Variants in KLF8 observed in about 807,000 individuals in gnomAD.
KLF8 encodes Krueppel-like factor 8.
KLF8 carries 10 observed loss-of-function variants against 18.2 expected under a neutral mutation model. That is an observed-to-expected ratio of 0.55 (90% confidence interval 0.34 to 0.93). The LOEUF is 0.93. KLF8 is among the 40% of genes least tolerant of loss of function. The pLI, the probability that KLF8 is intolerant of heterozygous loss-of-function variation, is 0.02. For synonymous variants in KLF8, 109 were observed against 97.3 expected (o/e 1.12, Z -0.71); for missense variants, 264 against 277.9 (o/e 0.95, Z 0.36).
the KLF8 span, among the ~76,000 whole-genome samples, chrX:56,104,142 A>G: frequency 1.6e-4 from 18 of 111,644 alleles, no homozygotes; most frequent in African/African-American, 5.5e-4. Context: ...TTTTGCATCA[A>G]GGTTCGTCAG....
At chrX:56,172,396 G>A in the KLF8 span, among the ~76,000 whole-genome samples, 1 of 110,980 alleles carries the variant, frequency 9.0e-6, no homozygotes, top group African/African-American at 3.3e-5. Context: ...TGAGAATGAT[G>A]GTTTCCAGCT....
At chrX:56,145,475 A>G in the KLF8 span, among the ~76,000 whole-genome samples, 94 of 112,701 alleles carry the variant, frequency 8.3e-4, no homozygotes, top group African/African-American at 2.6e-3. Flanking sequence ...GAAGAATTGA[A>G]AACAAATGTT....
chrX:56,030,460 C>T, the KLF8 span, among the ~76,000 whole-genome samples: 8 of 111,533 alleles, frequency 7.2e-5, no homozygotes, highest in Non-Finnish European at 1.3e-4. Context: ...TGGAGCAAGT[C>T]AATTAGAGCT....
the KLF8 span, among the ~76,000 whole-genome samples, chrX:56,141,662 A>T: frequency 9.0e-6 from 1 of 111,198 alleles, no homozygotes; most frequent in African/African-American, 3.3e-5. Flanking sequence ...GAAGAGTAAA[A>T]CTGTTCATAT....
the KLF8 span, among the ~76,000 whole-genome samples, chrX:56,219,152 T>C: frequency 8.9e-6 from 1 of 112,169 alleles, no homozygotes; most frequent in East Asian, 2.8e-4. Flanking sequence ...TTTGAATTTG[T>C]ATGATGAAAT....
At chrX:56,278,685 C>T (rs1049910088) in intron 5 of KLF8, among the ~76,000 whole-genome samples, 1 of 111,195 alleles carries the variant, frequency 9.0e-6, no homozygotes, top group African/African-American at 3.3e-5. Flanking sequence ...CATATGCTCC[C>T]CGCAAGTCCA....
chrX:56,047,402 G>A, the KLF8 span, among the ~76,000 whole-genome samples: 4 of 106,762 alleles, frequency 3.7e-5, no homozygotes, highest in Non-Finnish European at 7.7e-5. Flanking sequence ...ATCTCCTAAT[G>A]CTATCCCTCC....
intron 5 of KLF8, among the ~76,000 whole-genome samples, chrX:56,278,582 G>T (rs2067153781): frequency 9.0e-6 from 1 of 111,421 alleles, no homozygotes; most frequent in Non-Finnish European, 1.9e-5. Context: ...GAAGGAAGGG[G>T]TCTCTTTTGA....
chrX:56,027,498 CGA>C, the KLF8 span, among the ~76,000 whole-genome samples: 8 of 112,311 alleles, frequency 7.1e-5, no homozygotes, highest in Admixed American at 4.7e-4. Context: ...AAAGGCATAT[CGA>C]GAGTCAGTAT....
At chrX:55,959,126 G>T in the KLF8 span, among the ~76,000 whole-genome samples, 3 of 112,339 alleles carry the variant, frequency 2.7e-5, no homozygotes, top group African/African-American at 9.7e-5. Context: ...GTCCCTCAGG[G>T]TAAGAGTATG....
chrX:56,144,865 T>C, the KLF8 span, among the ~76,000 whole-genome samples: 36 of 107,705 alleles, frequency 3.3e-4, no homozygotes, highest in African/African-American at 1.1e-3. Flanking sequence ...CCATCTCAGC[T>C]CACTGCAACC....
At chrX:56,101,670 C>T in the KLF8 span, among the ~76,000 whole-genome samples, 1 of 111,563 alleles carries the variant, frequency 9.0e-6, no homozygotes, top group Admixed American at 9.5e-5. Flanking sequence ...TGGTATCTTG[C>T]TGTTTTGATT....
the KLF8 span, among the ~76,000 whole-genome samples, chrX:56,067,212 G>A: frequency 7.6e-5 from 8 of 104,583 alleles, no homozygotes; most frequent in South Asian, 4.8e-4. Flanking sequence ...TCTTCCATTC[G>A]TCTTTGTGGA....
the KLF8 span, among the ~76,000 whole-genome samples, chrX:56,077,092 G>A: frequency 3.6e-5 from 4 of 111,438 alleles, no homozygotes; most frequent in African/African-American, 9.8e-5. Context: ...TTTGTAGGTT[G>A]CCTGTTCACT....
chrX:56,259,725 A>G (rs1015358088), intron 2 of KLF8, among the ~76,000 whole-genome samples: 3 of 110,951 alleles, frequency 2.7e-5, no homozygotes, highest in African/African-American at 9.8e-5. Context: ...AACTTCAATT[A>G]TTTACTTACC....
chrX:56,086,551 TCTTAAAG>T, the KLF8 span, among the ~76,000 whole-genome samples: 1 of 111,256 alleles, frequency 9.0e-6, no homozygotes, highest in Admixed American at 9.7e-5. Flanking sequence ...AGTAAGCTTG[TCTTAAAG>T]CTTTTATGTT....
At chrX:56,213,785 G>A in the KLF8 span, among the ~76,000 whole-genome samples, 1 of 111,816 alleles carries the variant, frequency 8.9e-6, no homozygotes, top group African/African-American at 3.3e-5. Flanking sequence ...GCCATCTGCA[G>A]ATGGCTTAAA....
chrX:56,093,901 T>C, the KLF8 span, among the ~76,000 whole-genome samples: 2 of 86,288 alleles, frequency 2.3e-5, no homozygotes, highest in Non-Finnish European at 4.5e-5. Flanking sequence ...AACGTATATA[T>C]TATATGTGTG....
chrX:56,152,223 G>A, the KLF8 span, among the ~76,000 whole-genome samples: 5 of 111,365 alleles, frequency 4.5e-5, no homozygotes, highest in Non-Finnish European at 7.5e-5. Flanking sequence ...AACCTCTAAC[G>A]TCCTTGTTGA....
Sources: gnomAD v4.1 joint callset for allele counts (sites outside exome capture counted in the v4.1 genomes callset) on GRCh38, gnomAD v4.1.1 for gene constraint, MANE v1.5 for transcripts, NCBI Gene and HGNC (gene_info 2026-07-23, HGNC 2026-07-21) for gene names.